The following NKAIN3 variants were observed in gnomAD, a reference collection of about 807,000 sequenced individuals.
The protein encoded by NKAIN3 is sodium/potassium-transporting ATPase subunit beta-1-interacting protein 3.
A neutral mutation model predicts 30.2 loss-of-function variants in NKAIN3; 25 were observed. That is an observed-to-expected ratio of 0.83 (90% confidence interval 0.60 to 1.16). The LOEUF (loss-of-function observed/expected upper bound fraction) is 1.16. Among genes scored for constraint, NKAIN3 ranks in the 50% most tolerant of loss-of-function variants. The pLI, the probability that NKAIN3 is intolerant of heterozygous loss-of-function variation, is 0.00. For missense variants in NKAIN3, 225 were observed against 254.1 expected (o/e 0.89, Z 0.78); for synonymous variants, 91 against 89.6 (o/e 1.02, Z -0.09).
At chr8:62,845,288 TA>T (rs370023350) in intron 4 of NKAIN3, among the ~76,000 whole-genome samples, 10,391 of 121,352 alleles carry the variant, frequency 0.086, 677 homozygotes, top group South Asian at 0.14. Flanking sequence ...TAGTAGATTA[TA>T]TATATATATA....
intron 3 of NKAIN3, among the ~76,000 whole-genome samples, chr8:62,660,960 A>G (rs1207018490): frequency 6.6e-6 from 1 of 152,162 alleles, no homozygotes; most frequent in Non-Finnish European, 1.5e-5. Flanking sequence ...TCCCCACCTT[A>G]TTCTTCTGTA....
intron 1 of NKAIN3, among the ~76,000 whole-genome samples, chr8:62,356,044 G>A (rs922578467): frequency 1.3e-5 from 2 of 152,148 alleles, no homozygotes; most frequent in Admixed American, 1.3e-4. Flanking sequence ...ACCCTAGCGA[G>A]TAATCCTAAA....
At chr8:62,666,147 A>C (rs888450627) in intron 3 of NKAIN3, among the ~76,000 whole-genome samples, 1 of 152,120 alleles carries the variant, frequency 6.6e-6, no homozygotes, top group African/African-American at 2.4e-5. Context: ...CAGAAGGCAG[A>C]GGTTGAAGTG....
In NKAIN3 at chr8:62,977,441, G is replaced by A. The variant is rs1258027383; in HGVS notation, c.*12034G>A. Among the ~76,000 whole-genome samples, 2 of 151,426 alleles carry A rather than the reference G, an allele frequency of 1.3e-5. No individual in the cohort carries two copies. Among genetic ancestry groups the A allele is most frequent in the Non-Finnish European group, 2.9e-5 (2 of 67,912 alleles). On this transcript the variant is annotated 3_prime_UTR_variant, in exon 7 of 7. Coordinates refer to ENST00000623646, the MANE Select transcript of NKAIN3 (RefSeq NM_001304533.3). ...TTGTCTTCATGCTTTATTTCCTTAA[G>A]TTGATCTTCAGTCTCTGATATCCTT...
At chr8:62,500,447 AAG>A (rs1213538009) in intron 1 of NKAIN3, among the ~76,000 whole-genome samples, 6 of 137,552 alleles carry the variant, frequency 4.4e-5, no homozygotes, top group Admixed American at 2.1e-4. Context: ...GAAAGAAAGA[AAG>A]AAAGAAAGAA....
chr8:62,339,518 G>A (rs959867920), intron 1 of NKAIN3, among the ~76,000 whole-genome samples: 1 of 151,906 alleles, frequency 6.6e-6, no homozygotes, highest in Non-Finnish European at 1.5e-5. Flanking sequence ...GGAATTTTTG[G>A]TTCTTGTAAG....
At chr8:62,282,479 C>T (rs1427171810) in intron 1 of NKAIN3, among the ~76,000 whole-genome samples, 4 of 152,104 alleles carry the variant, frequency 2.6e-5, no homozygotes, top group African/African-American at 9.7e-5. Context: ...TTTTTGAATG[C>T]GTTTGCTGAC....
chr8:62,438,684 C>G (rs1805239205), intron 1 of NKAIN3, among the ~76,000 whole-genome samples: 1 of 152,200 alleles, frequency 6.6e-6, no homozygotes, highest in African/African-American at 2.4e-5. Context: ...GCCTCAGCCT[C>G]TCAAGTAGCT....
At chr8:62,819,361 GTATGGGTGAATGGAAATT>G (rs1199708704) in intron 4 of NKAIN3, among the ~76,000 whole-genome samples, 2 of 151,856 alleles carry the variant, frequency 1.3e-5, no homozygotes, top group Non-Finnish European at 2.9e-5. Context: ...TGAACTTGGT[GTATGGGTGAATGGAAATT>G]CATTAACACT....
chr8:62,919,906 G>GTTT (rs61197233), intron 5 of NKAIN3, among the ~76,000 whole-genome samples: 1 of 52,282 alleles, frequency 1.9e-5, no homozygotes, highest in Admixed American at 2.1e-4. Context: ...CTTACACAGA[G>GTTT]TTTTTTTTTT....
At chr8:62,871,647 A>G (rs1820650585) in intron 4 of NKAIN3, among the ~76,000 whole-genome samples, 1 of 152,250 alleles carries the variant, frequency 6.6e-6, no homozygotes, top group South Asian at 2.1e-4. Flanking sequence ...TCTGGGGGCC[A>G]AGCCCAAGGA....
intron 1 of NKAIN3, among the ~76,000 whole-genome samples, chr8:62,455,515 A>G (rs897160515): frequency 6.6e-6 from 1 of 152,170 alleles, no homozygotes; most frequent in Non-Finnish European, 1.5e-5. Context: ...GGGGACTACA[A>G]GAGGTGGTAG....
intron 1 of NKAIN3, among the ~76,000 whole-genome samples, chr8:62,299,231 A>G (rs1444541454): frequency 1.3e-5 from 2 of 152,138 alleles, no homozygotes; most frequent in East Asian, 3.9e-4. Context: ...TTATGGCTAA[A>G]CACTGTGCAA....
chr8:62,838,880 G>C (rs1819447155), intron 4 of NKAIN3, among the ~76,000 whole-genome samples: 1 of 152,084 alleles, frequency 6.6e-6, no homozygotes, highest in African/African-American at 2.4e-5. Context: ...GAAAATAAAA[G>C]AGTGATTTTT....
At chr8:62,504,769 A>G (rs941689090) in intron 1 of NKAIN3, among the ~76,000 whole-genome samples, 2 of 152,154 alleles carry the variant, frequency 1.3e-5, no homozygotes, top group Non-Finnish European at 2.9e-5. Flanking sequence ...TAATTCCTTT[A>G]GCTGTCAATC....
At chr8:62,870,741 A>ATCTATATATC (rs1820614748) in intron 4 of NKAIN3, among the ~76,000 whole-genome samples, 12 of 114,388 alleles carry the variant, frequency 1.0e-4, no homozygotes, top group African/African-American at 4.5e-4. Context: ...ATCTATATAT[A>ATCTATATATC]TCTAGATATC....
intron 1 of NKAIN3, among the ~76,000 whole-genome samples, chr8:62,500,382 A>G (rs778874370): frequency 1.1e-4 from 16 of 151,720 alleles, no homozygotes; most frequent in Non-Finnish European, 2.1e-4. Flanking sequence ...TAAGAAAAAT[A>G]TAGAACTTTA....
At chr8:62,813,868 C>T (rs1295185545) in intron 4 of NKAIN3, among the ~76,000 whole-genome samples, 5 of 151,916 alleles carry the variant, frequency 3.3e-5, no homozygotes, top group African/African-American at 9.7e-5. Flanking sequence ...TCAGTCTTTA[C>T]TTGTCTGAAA....
intron 5 of NKAIN3, among the ~76,000 whole-genome samples, chr8:62,945,522 G>A (rs1823099064): frequency 6.6e-6 from 1 of 152,200 alleles, no homozygotes; most frequent in South Asian, 2.1e-4. Context: ...AGATGGCTGA[G>A]ATAAATGCCT....
Sources: gnomAD v4.1 joint callset for allele counts (sites outside exome capture counted in the v4.1 genomes callset) on GRCh38, gnomAD v4.1.1 for gene constraint, MANE v1.5 for transcripts, NCBI Gene and HGNC (gene_info 2026-07-23, HGNC 2026-07-21) for gene names.